OSTF1: variants seen among roughly 807,000 people sequenced by gnomAD.
OSTF1 encodes osteoclast stimulating factor 1.
In OSTF1, 27 loss-of-function variants were observed where a neutral mutation model predicts 37.2. The ratio of observed to expected loss-of-function variants is 0.73; its 90% CI spans 0.54 to 1.00. The LOEUF is 1.00. Ranked by LOEUF, OSTF1 falls within the 50% of genes least tolerant of loss-of-function variation. The pLI is 0.00. For missense variants in OSTF1, 232 were observed against 253.8 expected (o/e 0.91, Z 0.58); for synonymous variants, 82 against 89.2 (o/e 0.92, Z 0.46).
chr9:75,093,060 C>CTTTTTTTTTTTTTTTTTTTT (rs1433476660), intron 1 of OSTF1, among the ~76,000 whole-genome samples: 1 of 134,950 alleles, frequency 7.4e-6, no homozygotes, highest in African/African-American at 3.1e-5. Flanking sequence ...CTCTTTCTTT[C>CTTTTTTTTTTTTTTTTTTTT]TTTCTTTTTT....
At chr9:75,100,120 C>T (rs1279223361) in intron 1 of OSTF1, among the ~76,000 whole-genome samples, 2 of 152,160 alleles carry the variant, frequency 1.3e-5, no homozygotes, top group Non-Finnish European at 2.9e-5. Context: ...TATCAAATTC[C>T]TAGTGATTAT....
chr9:75,098,836 A>G (rs1321616601), intron 1 of OSTF1, among the ~76,000 whole-genome samples: 1 of 152,230 alleles, frequency 6.6e-6, no homozygotes, highest in African/African-American at 2.4e-5. Flanking sequence ...GCTTATCTCT[A>G]GAAGAGGGAG....
chr9:75,097,162 G>A (rs919193189), intron 1 of OSTF1, among the ~76,000 whole-genome samples: 13 of 152,056 alleles, frequency 8.5e-5, no homozygotes, highest in Non-Finnish European at 1.9e-4. Context: ...AATTGTTTTC[G>A]ACCACATTTT....
At chr9:75,100,162 A>G (rs1825164755) in intron 1 of OSTF1, among the ~76,000 whole-genome samples, 1 of 152,202 alleles carries the variant, frequency 6.6e-6, no homozygotes, top group Non-Finnish European at 1.5e-5. Flanking sequence ...TGACCACTGC[A>G]TATTGGTGGC....
intron 1 of OSTF1, among the ~76,000 whole-genome samples, chr9:75,101,322 A>G (rs1032826223): frequency 1.3e-5 from 2 of 152,194 alleles, no homozygotes; most frequent in African/African-American, 4.8e-5. Context: ...TAGGAACACA[A>G]CACCAACCTT....
At chr9:75,125,112 C>T (rs1825641056) in intron 2 of OSTF1, among the ~76,000 whole-genome samples, 1 of 152,196 alleles carries the variant, frequency 6.6e-6, no homozygotes, top group Non-Finnish European at 1.5e-5. Context: ...CACTCTTCTT[C>T]TTCCTTCATT....
At chr9:75,135,508 G>A (rs1352321358) in intron 7 of OSTF1, among the ~76,000 whole-genome samples, 1 of 151,986 alleles carries the variant, frequency 6.6e-6, no homozygotes, top group Non-Finnish European at 1.5e-5. Context: ...TTTTGGTTCT[G>A]GAATGCCCAT....
intron 9 of OSTF1, among the ~76,000 whole-genome samples, chr9:75,141,292 A>T (rs1288184752): frequency 7.9e-6 from 1 of 126,798 alleles, no homozygotes; most frequent in Middle Eastern, 4.4e-3. Flanking sequence ...GAGCAAGACC[A>T]TATCTCAAAA....
chr9:75,092,758 C>T (rs975819043), intron 1 of OSTF1, among the ~76,000 whole-genome samples: 4 of 152,094 alleles, frequency 2.6e-5, no homozygotes, highest in African/African-American at 4.8e-5. Context: ...CTCAGAACAG[C>T]GTCTCAGCTT....
At chr9:75,130,671 C>G in intron 4 of OSTF1, 30 bp downstream of exon 4, 1 of 1,480,002 alleles carries the variant, frequency 6.8e-7, no homozygotes, top group Non-Finnish European at 9.5e-7. Flanking sequence ...TTTACTTTAG[C>G]TTCGTTCACT....
intron 1 of OSTF1, among the ~76,000 whole-genome samples, chr9:75,098,294 A>G (rs895065771): frequency 6.6e-5 from 10 of 152,232 alleles, no homozygotes; most frequent in South Asian, 2.1e-4. Context: ...AAGGCTTTTC[A>G]TAAGTCCAGA....
intron 1 of OSTF1, among the ~76,000 whole-genome samples, chr9:75,115,500 G>T (rs978648738): frequency 1.1e-4 from 16 of 152,258 alleles, no homozygotes; most frequent in African/African-American, 3.4e-4. Flanking sequence ...ATGTTGGCCA[G>T]ACTGGTCTCG....
intron 1 of OSTF1, among the ~76,000 whole-genome samples, chr9:75,098,929 C>A (rs547052453): frequency 2.4e-4 from 36 of 150,996 alleles, no homozygotes; most frequent in Admixed American, 4.6e-4. Context: ...CTCTTTTTTT[C>A]TTTTTTATTT....
rs1251629683 is a variant in OSTF1 at position 75,127,564 on chromosome 9, T to G, written c.82-5T>G. 1 of 1,558,618 alleles carries G rather than the reference T, an allele frequency of 6.4e-7. No individual in the cohort carries two copies. Among genetic ancestry groups the G allele is most frequent in the African/African-American group, 1.4e-5 (1 of 72,828 alleles). On this transcript the variant is annotated splice_region_variant and splice_polypyrimidine_tract_variant and intron_variant, in intron 2 of 9. Transcript: ENST00000346234. Reference sequence around the variant, plus strand: ...CATGGAGTCAAACTTTTTTTTTTCTTCTAGCCAGATGAATTATACTTTGAG... The same window carrying G: ...CATGGAGTCAAACTTTTTTTTTTCTGCTAGCCAGATGAATTATACTTTGAG...
intron 4 of OSTF1, among the ~76,000 whole-genome samples, chr9:75,131,465 A>C (rs1825760004): frequency 6.6e-6 from 1 of 152,208 alleles, no homozygotes; most frequent in Non-Finnish European, 1.5e-5. Flanking sequence ...TAAATACTTG[A>C]GTAATATCAA....
chr9:75,108,781 G>C (rs61649613), intron 1 of OSTF1, among the ~76,000 whole-genome samples: 1 of 152,000 alleles, frequency 6.6e-6, no homozygotes, highest in Non-Finnish European at 1.5e-5. Flanking sequence ...TGCTGGCAGC[G>C]TCACTTCCGG....
intron 8 of OSTF1, among the ~76,000 whole-genome samples, chr9:75,140,231 G>A (rs750791961): frequency 1.3e-5 from 2 of 152,302 alleles, no homozygotes; most frequent in South Asian, 2.1e-4. Context: ...TACCTTAGGC[G>A]TAGGTAGAAG....
At chr9:75,129,022 A>G (rs1162340718) in intron 3 of OSTF1, among the ~76,000 whole-genome samples, 2 of 152,158 alleles carry the variant, frequency 1.3e-5, no homozygotes, top group African/African-American at 2.4e-5. Flanking sequence ...CAGCAGAGGT[A>G]CAAGATAAAC....
rs1308722555 is a variant in OSTF1 at position 75,116,624 on chromosome 9, T to C, written c.35-880T>C. 2.6e-3 allele frequency among the ~76,000 whole-genome samples: 364 copies of C among 142,052 alleles called. 1 individual carries two copies. Among genetic ancestry groups the C allele is most frequent in the Admixed American group, 8.6e-3 (121 of 14,130 alleles). 93.2% of individuals were successfully genotyped at this position (142,052 alleles called of 152,430 possible). A position where few individuals can be genotyped will look rare whatever the true frequency, so the allele number is the denominator to read the frequency against. On this transcript the variant is annotated intron_variant, in intron 1 of 9. Transcript: ENST00000346234. ...TGGGTCCTTTTTTTTTTTTTTTTTT[T>C]CCTCCGTGGTATTTTCTTTTCTTTT...
Sources: gnomAD v4.1 joint callset for allele counts (sites outside exome capture counted in the v4.1 genomes callset) on GRCh38, gnomAD v4.1.1 for gene constraint, MANE v1.5 for transcripts, NCBI Gene and HGNC (gene_info 2026-07-23, HGNC 2026-07-21) for gene names.